The following USP46 variants were observed in gnomAD, a reference collection of about 807,000 sequenced individuals.
USP46 encodes ubiquitin specific peptidase 46.
A neutral mutation model predicts 44.4 loss-of-function variants in USP46; 12 were observed. The observed-to-expected ratio is 0.27, with a 90% CI of 0.17 to 0.44. The LOEUF is 0.44. USP46 is among the 20% of genes least tolerant of loss of function. The pLI is 1.00. For missense variants in USP46, 248 were observed against 444.8 expected, an observed-to-expected ratio of 0.56 and a Z score of 3.98; for synonymous variants, 155 against 161.5, an observed-to-expected ratio of 0.96 and a Z score of 0.31.
chr4:52,643,406 T>C (rs1311271670), intron 1 of USP46, among the ~76,000 whole-genome samples: 1 of 152,250 alleles, frequency 6.6e-6, no homozygotes, highest in Admixed American at 6.5e-5. Flanking sequence ...AAAGTTTTAC[T>C]GCAACACAGC....
chr4:52,659,241 G>T lies in USP46; in HGVS notation c.-91C>A. ...TGGCGCGCTGGCGGGGAGGCCGGGC[G>T]GCAGCGCGGCGGCCTGGGGTCCGGC... On this transcript the variant is annotated 5_prime_UTR_variant, in exon 1 of 9. Coordinates refer to ENST00000441222, the MANE Select transcript of USP46 (RefSeq NM_022832.4). This position sits in a 1 kb window ranked among gnomAD's most constrained non-coding sequence, Gnocchi z 4.2. The T allele has an allele frequency of 7.1e-7, 1 of 1,413,294 alleles. No individual in the cohort carries two copies. Among genetic ancestry groups the T allele is most frequent in the East Asian group, 3.1e-5 (1 of 32,754 alleles). 87.5% of individuals were successfully genotyped at this position (1,413,294 alleles called of 1,614,324 possible). A position where few individuals can be genotyped will look rare whatever the true frequency, so the allele number is the denominator to read the frequency against.
Position 52,595,019 on chromosome 4 carries a change from C to G in USP46, c.*2621G>C, listed in dbSNP as rs1223605395. 3 of 152,092 alleles carry G rather than the reference C, an allele frequency of 2.0e-5. No homozygotes were observed. The highest frequency in any genetic ancestry group is 2.9e-5 in the Non-Finnish European group (2 of 68,022). 9.4% of individuals were successfully genotyped at this position (152,092 alleles called of 1,614,324 possible). On this transcript the variant is annotated 3_prime_UTR_variant, in exon 9 of 9. Transcript: ENST00000441222. ...CTAAACTAGTAAGTAACCAATAAAG[C>G]AAATGTTCCTTCTGTTTTTTTTTTA...
chr4:52,636,506 G>T (rs1478553162), intron 1 of USP46, among the ~76,000 whole-genome samples: 1 of 151,928 alleles, frequency 6.6e-6, no homozygotes, highest in Non-Finnish European at 1.5e-5. Context: ...AGGAGTTCAA[G>T]ACCAGCCTGG....
At chr4:52,642,554 C>CT (rs1718387681) in intron 1 of USP46, among the ~76,000 whole-genome samples, 1 of 152,340 alleles carries the variant, frequency 6.6e-6, no homozygotes, top group East Asian at 1.9e-4. Context: ...GGAGAACCCC[C>CT]TTCCTTCTGA....
intron 1 of USP46, among the ~76,000 whole-genome samples, chr4:52,641,299 T>C (rs1056828251): frequency 2.0e-5 from 3 of 152,048 alleles, no homozygotes; most frequent in African/African-American, 4.8e-5. Flanking sequence ...TAGTAACCTT[T>C]GAAAAACAGT....
At position 52,593,390 on chromosome 4, in the gene USP46, C is replaced by G. The variant is rs935444861; in HGVS notation, c.*4250G>C. 1.9e-5 allele frequency: 3 copies of G among 154,368 alleles called. No homozygotes were observed. The highest frequency in any genetic ancestry group is 7.2e-5 in the African/African-American group (3 of 41,602). The allele number at this position is 154,368 out of a possible 1,614,324, so 9.6% of individuals were successfully genotyped here. A position where few individuals can be genotyped will look rare whatever the true frequency, so the allele number is the denominator to read the frequency against. ...TCCAGCTCAGTCAGGTTCAACTGCA[C>G]TGCCCCGAGAAGATGGACAGCAGCT... On this transcript the variant is annotated 3_prime_UTR_variant, in exon 9 of 9. Coordinates refer to ENST00000441222, the MANE Select transcript of USP46 (RefSeq NM_022832.4).
At chr4:52,631,243 G>T (rs935547194) in intron 1 of USP46, 99 bp from the exon 2 acceptor site, 3 of 850,732 alleles carry the variant, frequency 3.5e-6, no homozygotes, top group African/African-American at 3.4e-5. Context: ...CATCTTCCCT[G>T]GTCAACACGG....
At chr4:52,658,540 A>C (rs910603199) in intron 1 of USP46, among the ~76,000 whole-genome samples, 1 of 152,208 alleles carries the variant, frequency 6.6e-6, no homozygotes, top group African/African-American at 2.4e-5. Flanking sequence ...AGGCATGCGG[A>C]GCAAATTACG....
chr4:52,599,752 T>C (rs1716388409), intron 7 of USP46, among the ~76,000 whole-genome samples: 1 of 152,096 alleles, frequency 6.6e-6, no homozygotes, highest in Non-Finnish European at 1.5e-5. Context: ...AACTTCCCCC[T>C]CTGTTTACCC....
At position 52,604,508 on chromosome 4, in the gene USP46, G is replaced by C. The variant is rs1264574476; in HGVS notation, c.715C>G (p.Gln239Glu). The C allele has an allele frequency of 2.5e-6, 4 of 1,611,070 alleles. No individual in the cohort carries two copies. In the East Asian group the frequency reaches 8.9e-5, roughly 36 times the overall value. The change falls in exon 6 of 9, where the codon CAG becomes GAG. Residue 239 changes from glutamine to glutamate, a missense_variant. Gln to Glu is a conservative substitution (Grantham distance 29). Transcript: ENST00000441222. ...CETCCSKQEA[Q>E]KRMRVKKLPM... ...AGCTAAATCTTTACCTACCTTTTCTGGGCTTCTTGTTTGCTGCAGCATGTT... is the reference window on the plus strand; with the variant it reads ...AGCTAAATCTTTACCTACCTTTTCTCGGCTTCTTGTTTGCTGCAGCATGTT...
At chr4:52,630,736 C>CAA (rs10566870) in intron 2 of USP46, among the ~76,000 whole-genome samples, 9 of 92,280 alleles carry the variant, frequency 9.8e-5, no homozygotes, top group East Asian at 3.0e-4. Context: ...GACTCTGTCT[C>CAA]AAAAAAAAAA....
intron 1 of USP46, among the ~76,000 whole-genome samples, chr4:52,648,997 G>C (rs554658318): frequency 6.6e-6 from 1 of 152,218 alleles, no homozygotes; most frequent in Non-Finnish European, 1.5e-5. Flanking sequence ...GAAGAGTCCT[G>C]TGGGCCTCTC....
At chr4:52,657,032 G>A (rs985225153) in intron 1 of USP46, among the ~76,000 whole-genome samples, 52 of 106,266 alleles carry the variant, frequency 4.9e-4, no homozygotes, top group Non-Finnish European at 7.4e-4. Context: ...GACAGTGTGA[G>A]ACCTTGTCAA....
intron 7 of USP46, among the ~76,000 whole-genome samples, chr4:52,600,747 T>A (rs1716436468): frequency 5.9e-5 from 9 of 152,016 alleles, no homozygotes; most frequent in Admixed American, 5.9e-4. Context: ...CTGCCTGCCC[T>A]AAGATCTTCC....
chr4:52,613,721 C>CAAAAAAAAAA (rs59351260), intron 4 of USP46, among the ~76,000 whole-genome samples: 2 of 77,088 alleles, frequency 2.6e-5, no homozygotes. Flanking sequence ...GACTCCATCT[C>CAAAAAAAAAA]AAAAAAAAAA....
chr4:52,647,337 G>C (rs1040493039), intron 1 of USP46, among the ~76,000 whole-genome samples: 1 of 152,168 alleles, frequency 6.6e-6, no homozygotes, highest in African/African-American at 2.4e-5. Flanking sequence ...TATAACTATT[G>C]ATAGATGCCA....
At chr4:52,630,752 A>T (rs867057524) in intron 2 of USP46, among the ~76,000 whole-genome samples, 1 of 150,358 alleles carries the variant, frequency 6.7e-6, no homozygotes, top group Non-Finnish European at 1.5e-5. Flanking sequence ...AAAAAAAAAA[A>T]AAAGAAAAAA....
intron 4 of USP46, among the ~76,000 whole-genome samples, chr4:52,619,377 AG>A (rs1418832675): frequency 6.6e-6 from 1 of 152,210 alleles, no homozygotes; most frequent in Non-Finnish European, 1.5e-5. Context: ...CCAGGATTGA[AG>A]GAACTAGCAG....
chr4:52,607,825 G>T lies in USP46; in HGVS notation c.638+2716C>A, dbSNP rs145413378. Among the ~76,000 whole-genome samples, 8 of 152,144 alleles carry T rather than the reference G, an allele frequency of 5.3e-5. No homozygotes were observed. In the East Asian group the frequency reaches 1.5e-3, roughly 29 times the overall value. On this transcript the variant is annotated intron_variant, in intron 5 of 8. Coordinates refer to ENST00000441222, the MANE Select transcript of USP46 (RefSeq NM_022832.4). ...TCCCCCTTCATCTTCTGCCATAATT[G>T]TAAGTTTCCTGAGGCTTCCTCAGAA...
Sources: allele counts gnomAD v4.1 joint callset (sites outside exome capture counted in the v4.1 genomes callset), GRCh38; gene constraint gnomAD v4.1.1; non-coding constraint Gnocchi (gnomAD v3.1); transcripts MANE v1.5; gene names NCBI Gene and HGNC (gene_info 2026-07-23, HGNC 2026-07-21).